The following ARPC3 variants were observed in gnomAD, a reference collection of about 807,000 sequenced individuals.
ARPC3 encodes the protein actin-related protein 2/3 complex subunit 3.
ARPC3 carries 12 observed loss-of-function variants against 27.6 expected under a neutral mutation model. The ratio of observed to expected loss-of-function variants is 0.43; its 90% confidence interval spans 0.28 to 0.70. The LOEUF (loss-of-function observed/expected upper bound fraction) is 0.70, where lower values mean the gene tolerates loss of function less well. Ranked by LOEUF, ARPC3 falls within the 30% of genes least tolerant of loss-of-function variation. The pLI, the probability that ARPC3 is intolerant of heterozygous loss-of-function variation, is 0.17. For missense variants in ARPC3, 153 were observed against 207.7 expected, an observed-to-expected ratio of 0.74 and a Z score of 1.62; for synonymous variants, 53 against 67.2, an observed-to-expected ratio of 0.79 and a Z score of 1.03.
rs2062393787 is a variant in ARPC3 at position 110,434,919 on chromosome 12, T to A, written c.*236A>T. ...TCTGACATGGAATGTTAGAAATTTC[T>A]TTATTATTACTTATTCTTATTAAGC... is the stretch of plus-strand genomic sequence containing the variant. On this transcript the variant is annotated 3_prime_UTR_variant, in exon 7 of 7. Transcript: ENST00000228825. 5.9e-6 allele frequency: 4 copies of A among 675,744 alleles called. No homozygotes were observed. Among genetic ancestry groups the A allele is most frequent in the Non-Finnish European group, 8.1e-6 (3 of 368,172 alleles). The allele number at this position is 675,744 out of a possible 1,614,324, so 41.9% of individuals were successfully genotyped here.
chr12:110,434,900 A>G lies in ARPC3; in HGVS notation c.*255T>C, dbSNP rs2062393574. The G allele has an allele frequency of 3.1e-6, 2 of 646,466 alleles. No individual in the cohort carries two copies. Among genetic ancestry groups the G allele is most frequent in the Non-Finnish European group, 5.6e-6 (2 of 354,344 alleles). 40.0% of individuals were successfully genotyped at this position (646,466 alleles called of 1,614,324 possible). A position where few individuals can be genotyped will look rare whatever the true frequency, so the allele number is the denominator to read the frequency against. On this transcript the variant is annotated 3_prime_UTR_variant, in exon 7 of 7. Coordinates refer to ENST00000228825, the MANE Select transcript of ARPC3 (RefSeq NM_001278556.2). ...AGACTGGCAATAAAGTTTTTCTGACATGGAATGTTAGAAATTTCTTTATTA... is the reference window on the plus strand; with the variant it reads ...AGACTGGCAATAAAGTTTTTCTGACGTGGAATGTTAGAAATTTCTTTATTA...
intron 2 of ARPC3, among the ~76,000 whole-genome samples, chr12:110,441,356 C>T (rs1270357268): frequency 6.6e-6 from 1 of 151,930 alleles, no homozygotes; most frequent in Non-Finnish European, 1.5e-5. Context: ...TGGTCTCGAA[C>T]TCCTGACCTC....
At chr12:110,440,419 G>A (rs777595406) in intron 2 of ARPC3, 31 bp from the exon 3 acceptor site, 2 of 1,446,568 alleles carry the variant, frequency 1.4e-6, no homozygotes, top group Non-Finnish European at 1.9e-6. Context: ...GGAGCACAGA[G>A]AACATTAGCC....
chr12:110,435,567 T>C (rs1046785431), intron 6 of ARPC3, among the ~76,000 whole-genome samples: 2 of 152,168 alleles, frequency 1.3e-5, no homozygotes, highest in South Asian at 4.1e-4. Flanking sequence ...CCTGACCTCA[T>C]GATCCGCCTG....
chr12:110,437,621 G>T (rs1340125132), intron 3 of ARPC3, among the ~76,000 whole-genome samples: 1 of 152,100 alleles, frequency 6.6e-6, no homozygotes, highest in East Asian at 1.9e-4. Context: ...GTCCACCTCA[G>T]CCTCCCAAAG....
intron 6 of ARPC3, among the ~76,000 whole-genome samples, chr12:110,435,487 G>A (rs1304373744): frequency 1.5e-4 from 23 of 152,034 alleles, no homozygotes; most frequent in Non-Finnish European, 7.4e-5. Context: ...CTGCCACCAC[G>A]CCTGGCTAAT....
intron 3 of ARPC3, 52 bp downstream of exon 3, chr12:110,440,260 G>T (rs1414114088): frequency 4.0e-6 from 5 of 1,236,074 alleles, no homozygotes; most frequent in East Asian, 2.3e-5. Context: ...AGCAAGGTTG[G>T]TATTATCCCT....
At chr12:110,447,789 C>A (rs973051452) in intron 1 of ARPC3, among the ~76,000 whole-genome samples, 1 of 151,486 alleles carries the variant, frequency 6.6e-6, no homozygotes, top group Non-Finnish European at 1.5e-5. Flanking sequence ...AACAAACAAA[C>A]AAACCCCTCC....
At chr12:110,443,044 T>C (rs1350190979) in intron 2 of ARPC3, 2 of 152,194 alleles carry the variant, frequency 1.3e-5, no homozygotes, top group African/African-American at 4.8e-5. Context: ...TGCAATTCAG[T>C]TGTCTTCATC....
chr12:110,437,237 AT>A, intron 3 of ARPC3, 85 bp from the exon 4 acceptor site: 1 of 936,924 alleles, frequency 1.1e-6, no homozygotes, highest in South Asian at 1.3e-5. Context: ...TTGTCTTCTG[AT>A]TATCTGCTGA....
intron 1 of ARPC3, among the ~76,000 whole-genome samples, chr12:110,446,090 A>G (rs1399011797): frequency 2.6e-5 from 4 of 151,552 alleles, no homozygotes; most frequent in Admixed American, 6.6e-5. Flanking sequence ...GCAACAGAGC[A>G]AGACTGTCTC....
chr12:110,435,422 T>C (rs1029635792), intron 6 of ARPC3, among the ~76,000 whole-genome samples: 14 of 151,900 alleles, frequency 9.2e-5, no homozygotes, highest in African/African-American at 3.4e-4. Context: ...CTCCGCCTCC[T>C]GGGTTCATGC....
intron 3 of ARPC3, among the ~76,000 whole-genome samples, chr12:110,439,928 G>A (rs978619475): frequency 3.9e-5 from 6 of 152,196 alleles, no homozygotes; most frequent in Admixed American, 2.6e-4. Context: ...AACTTTCTCT[G>A]TAAAAGGCAG....
intron 2 of ARPC3, among the ~76,000 whole-genome samples, chr12:110,444,555 G>A (rs1244735003): frequency 6.6e-6 from 1 of 152,130 alleles, no homozygotes; most frequent in Non-Finnish European, 1.5e-5. Context: ...AAAGTGCTGG[G>A]ATTACAAGTG....
At chr12:110,439,489 C>T (rs1192120515) in intron 3 of ARPC3, among the ~76,000 whole-genome samples, 1 of 152,140 alleles carries the variant, frequency 6.6e-6, no homozygotes, top group Non-Finnish European at 1.5e-5. Context: ...ATAAATAATT[C>T]ACAACCTGTT....
At position 110,435,125 on chromosome 12, in the gene ARPC3, C is replaced by T. The variant is rs758400755; in HGVS notation, c.*30G>A. 26 of 1,589,072 alleles carry T rather than the reference C, an allele frequency of 1.6e-5. No individual in the cohort carries two copies. The highest frequency in any genetic ancestry group is 1.7e-6 in the Non-Finnish European group (2 of 1,157,870). On this transcript the variant is annotated 3_prime_UTR_variant, in exon 7 of 7. Coordinates refer to ENST00000228825, the MANE Select transcript of ARPC3 (RefSeq NM_001278556.2). ...TCTTGCTGGAAAATGCTGCCCAGGG[C>T]TCTGGAGACGGTGGCTGCCCGGGCT...
At position 110,450,313 on chromosome 12, in the gene ARPC3, G is replaced by C; in HGVS notation, c.-53C>G. On this transcript the variant is annotated 5_prime_UTR_variant, in exon 1 of 7. Transcript: ENST00000228825. Reference sequence around the variant, plus strand: ...AGGAGCAGGATCCAGGTACAGCGGAGCGCTTCCGGTCTGGCAGCCTGGGCG... The same window carrying C: ...AGGAGCAGGATCCAGGTACAGCGGACCGCTTCCGGTCTGGCAGCCTGGGCG... 1 of 1,613,256 alleles carries C rather than the reference G, an allele frequency of 6.2e-7. No homozygotes were observed. The highest frequency in any genetic ancestry group is 8.5e-7 in the Non-Finnish European group (1 of 1,179,598).
At position 110,436,747 on chromosome 12, in the gene ARPC3, CACACACAT is replaced by C. The variant is rs1361164370; in HGVS notation, c.253-72_253-65del. On this transcript the variant is annotated intron_variant, in intron 4 of 6. Transcript: ENST00000228825. ...ACACACACACACACACACACACACACACACACATATTTTACAGGGAAAAGAAGAATTCT... is the reference window on the plus strand; with the variant it reads ...ACACACACACACACACACACACACACATTTTACAGGGAAAAGAAGAATTCT... The C allele has an allele frequency of 1.0e-4, 115 of 1,114,974 alleles. No individual in the cohort carries two copies. In the African/African-American group the frequency reaches 1.7e-3, roughly 17 times the overall value. 69.1% of individuals were successfully genotyped at this position (1,114,974 alleles called of 1,614,324 possible).
At chr12:110,443,471 C>T (rs754931100) in intron 2 of ARPC3, among the ~76,000 whole-genome samples, 2 of 147,308 alleles carry the variant, frequency 1.4e-5, no homozygotes, top group African/African-American at 2.5e-5. Context: ...CTCACTTTGT[C>T]GCCCAGGCTG....
Sources: gnomAD v4.1 joint callset for allele counts (sites outside exome capture counted in the v4.1 genomes callset) on GRCh38, gnomAD v4.1.1 for gene constraint, MANE v1.5 for transcripts, NCBI Gene and HGNC (gene_info 2026-07-23, HGNC 2026-07-21) for gene names.